The following SPHKAP variants were observed in gnomAD, a reference collection of about 807,000 sequenced individuals.
SPHKAP encodes the protein SPHK1 interactor, AKAP domain containing, also known as A-kinase anchor protein SPHKAP.
A neutral mutation model predicts 137.5 loss-of-function variants in SPHKAP; 67 were observed. The observed-to-expected ratio is 0.49, with a 90% CI of 0.40 to 0.60. The LOEUF (loss-of-function observed/expected upper bound fraction) is 0.60, where lower values mean the gene tolerates loss of function less well. SPHKAP is among the 20% of genes least tolerant of loss of function. SPHKAP has a pLI of 0.00. For synonymous variants in SPHKAP, 813 were observed against 785.3 expected (o/e 1.04, Z -0.59); for missense variants, 2,097 against 2,069.3 (o/e 1.01, Z -0.26).
At chr2:228,078,224 G>A (rs1196111073) in intron 3 of SPHKAP, among the ~76,000 whole-genome samples, 1 of 152,148 alleles carries the variant, frequency 6.6e-6, no homozygotes, top group Non-Finnish European at 1.5e-5. Flanking sequence ...GACTGTAAGT[G>A]AAGTACTTCA....
At chr2:228,015,804 ACAG>A in intron 7 of SPHKAP, among the ~76,000 whole-genome samples, 1 of 152,180 alleles carries the variant, frequency 6.6e-6, no homozygotes, top group Admixed American at 6.5e-5. Context: ...AAAAACAAAA[ACAG>A]AAAGCAAAAC....
At chr2:227,994,065 TG>T (rs1405497727) in intron 8 of SPHKAP, 1 of 985,244 alleles carries the variant, frequency 1.0e-6, no homozygotes, top group Admixed American at 6.2e-5. Context: ...CAGAAACCAG[TG>T]GACTCATGTT....
intron 1 of SPHKAP, among the ~76,000 whole-genome samples, chr2:228,160,884 A>C (rs1700254241): frequency 6.6e-6 from 1 of 152,208 alleles, no homozygotes; most frequent in African/African-American, 2.4e-5. Context: ...GCTCACAGGT[A>C]AACTTGGCCC....
At position 228,018,672 on chromosome 2, in the gene SPHKAP, C is replaced by A. The variant is rs1694710187; in HGVS notation, c.2182G>T (p.Val728Leu). 2 of 1,614,048 alleles carry A rather than the reference C, an allele frequency of 1.2e-6. No individual in the cohort carries two copies. The highest frequency in any genetic ancestry group is 1.1e-5 in the South Asian group (1 of 91,086). Residue 728 changes from valine to leucine, a missense_variant, in exon 7 of 12, where the codon GTA becomes TTA. Coordinates refer to ENST00000392056, the MANE Select transcript of SPHKAP (RefSeq NM_001142644.2). Reference sequence around the variant, plus strand: ...ACAGCAGGACATTCACCAAGCCGTACAATATGACTCATCTTCTTGAACGTG... The same window carrying A: ...ACAGCAGGACATTCACCAAGCCGTAAAATATGACTCATCTTCTTGAACGTG... ...CFTFKKMSHI[V>L]RLGECPAVLS...
In SPHKAP at chr2:228,155,663, C is replaced by T. The variant is rs552402013; in HGVS notation, c.33-23578G>A. 5.9e-5 allele frequency among the ~76,000 whole-genome samples: 9 copies of T among 152,170 alleles called. 1 individual carries two copies. The South Asian group carries it at 1.9e-3, about 32-fold the overall frequency. On this transcript the variant is annotated intron_variant, in intron 1 of 11. Transcript: ENST00000392056. ...GTTTATGCTGTTGCCTCATTAGATG[C>T]CACTGAGAAAACTGAATTAAGAGCA...
chr2:228,079,459 G>T (rs898370759), intron 3 of SPHKAP, among the ~76,000 whole-genome samples: 9 of 152,326 alleles, frequency 5.9e-5, no homozygotes, highest in South Asian at 4.1e-4. Context: ...CTAGTGGCAG[G>T]CTGGACCCCA....
chr2:228,176,777 G>A (rs1287611733), intron 1 of SPHKAP, among the ~76,000 whole-genome samples: 1 of 152,118 alleles, frequency 6.6e-6, no homozygotes, highest in African/African-American at 2.4e-5. Context: ...AGGCTGAGGC[G>A]GGAGAATCGC....
intron 3 of SPHKAP, among the ~76,000 whole-genome samples, chr2:228,064,588 T>A (rs1441378196): frequency 6.6e-6 from 1 of 152,252 alleles, no homozygotes; most frequent in African/African-American, 2.4e-5. Context: ...ATCAGTCATT[T>A]ACGTTACCTT....
At chr2:228,034,300 G>A (rs529015547) in intron 3 of SPHKAP, among the ~76,000 whole-genome samples, 38 of 152,124 alleles carry the variant, frequency 2.5e-4, no homozygotes, top group African/African-American at 9.2e-4. Context: ...TAAATTCCTC[G>A]ACATATACAC....
At chr2:228,049,887 C>G (rs1696194542) in intron 3 of SPHKAP, among the ~76,000 whole-genome samples, 1 of 152,004 alleles carries the variant, frequency 6.6e-6, no homozygotes, top group African/African-American at 2.4e-5. Flanking sequence ...TTTTCTTTAT[C>G]CAGGGTAAAC....
At chr2:227,991,418 G>C in intron 9 of SPHKAP, 92 bp from the exon 10 acceptor site, 1 of 1,600,320 alleles carries the variant, frequency 6.2e-7, no homozygotes, top group East Asian at 2.2e-5. Context: ...TGATCTAAAA[G>C]CTTCTGAAGT....
intron 2 of SPHKAP, among the ~76,000 whole-genome samples, chr2:228,129,672 T>G (rs1449081357): frequency 6.6e-6 from 1 of 152,042 alleles, no homozygotes; most frequent in Non-Finnish European, 1.5e-5. Context: ...TTTTACATTC[T>G]TATTTGTAAA....
At chr2:227,988,680 C>T (rs1399979806) in intron 11 of SPHKAP, among the ~76,000 whole-genome samples, 1 of 152,152 alleles carries the variant, frequency 6.6e-6, no homozygotes, top group Non-Finnish European at 1.5e-5. Context: ...GAGTTGGAAC[C>T]AGCTCCTCTT....
At chr2:227,994,779 CTT>C (rs1693563859) in intron 8 of SPHKAP, among the ~76,000 whole-genome samples, 2 of 152,292 alleles carry the variant, frequency 1.3e-5, no homozygotes, top group South Asian at 4.1e-4. Flanking sequence ...TTGACAAACT[CTT>C]TAACATTGTG....
chr2:228,028,812 C>G (rs1695165603), intron 3 of SPHKAP, among the ~76,000 whole-genome samples: 1 of 152,174 alleles, frequency 6.6e-6, no homozygotes, highest in African/African-American at 2.4e-5. Context: ...TAACATGTCC[C>G]TAACAGTAAG....
At chr2:228,031,323 G>T (rs867839397) in intron 3 of SPHKAP, among the ~76,000 whole-genome samples, 1 of 152,204 alleles carries the variant, frequency 6.6e-6, no homozygotes, top group South Asian at 2.1e-4. Context: ...TGGGGGAGGG[G>T]TGTTGGCCAT....
At position 228,005,617 on chromosome 2, in the gene SPHKAP, G is replaced by A. The variant is rs759532808; in HGVS notation, c.4449-9923C>T. Among the ~76,000 whole-genome samples, 13 of 152,258 alleles carry A rather than the reference G, an allele frequency of 8.5e-5. 1 individual carries two copies. Among genetic ancestry groups the A allele is most frequent in the East Asian group, 1.9e-4 (1 of 5,182 alleles). ...ATGATGTTAGCTGGTTGTTTTGCTC[G>A]TTAGTTGATGCAGTTTATTCCTAGC... On this transcript the variant is annotated intron_variant, in intron 7 of 11. Coordinates refer to ENST00000392056, the MANE Select transcript of SPHKAP (RefSeq NM_001142644.2).
chr2:228,157,563 G>A (rs1700142530), intron 1 of SPHKAP, among the ~76,000 whole-genome samples: 2 of 152,312 alleles, frequency 1.3e-5, no homozygotes, highest in South Asian at 2.1e-4. Context: ...TAGTACACCT[G>A]TTATTACTCC....
intron 3 of SPHKAP, among the ~76,000 whole-genome samples, chr2:228,057,483 A>G (rs894085793): frequency 6.6e-6 from 1 of 152,156 alleles, no homozygotes; most frequent in African/African-American, 2.4e-5. Context: ...CACAACTACA[A>G]GAGAGAGTCT....
Sources: allele counts gnomAD v4.1 joint callset (sites outside exome capture counted in the v4.1 genomes callset), GRCh38; gene constraint gnomAD v4.1.1; transcripts MANE v1.5; gene names NCBI Gene and HGNC (gene_info 2026-07-23, HGNC 2026-07-21).